NR3C1: variants seen among roughly 807,000 people sequenced by gnomAD.
NR3C1 encodes nuclear receptor subfamily 3 group C member 1, also known as glucocorticoid receptor.
NR3C1 carries 14 observed loss-of-function variants against 74.0 expected under a neutral mutation model. The observed-to-expected ratio is 0.19, with a 90% CI of 0.12 to 0.30. The LOEUF is 0.30. Among genes scored for constraint, NR3C1 ranks in the 10% least tolerant of loss-of-function variants. The probability of loss-of-function intolerance (pLI) is 1.00; values close to 1 mark genes in which losing one functional copy is unlikely to be tolerated. For missense variants in NR3C1, 695 were observed against 909.8 expected, an observed-to-expected ratio of 0.76 and a Z score of 3.04; for synonymous variants, 308 against 332.5, an observed-to-expected ratio of 0.93 and a Z score of 0.80.
chr5:143,400,576 C>T lies in NR3C1; in HGVS notation c.264G>A (p.Leu88=). The part of the protein sequence containing the change: ...LSKAVSLSMG[L]YMGETETKVM... The stretch of plus-strand genomic sequence containing the variant: ...CTTTTGTTTCTGTCTCTCCCATATA[C>T]AGTCCCATTGAGAGTGAAACTGCTT... Residue 88 remains leucine, a synonymous_variant, in exon 2 of 9, where the codon CTG becomes CTA. Coordinates refer to ENST00000394464, the MANE Select transcript of NR3C1 (RefSeq NM_000176.3). 2 of 1,614,260 alleles carry T rather than the reference C, an allele frequency of 1.2e-6. No homozygotes were observed. Among genetic ancestry groups the T allele is most frequent in the Middle Eastern group, 3.3e-4 (2 of 6,062 alleles).
intron 2 of NR3C1, among the ~76,000 whole-genome samples, chr5:143,360,181 A>G (rs1362139759): frequency 6.6e-6 from 1 of 152,248 alleles, no homozygotes. Context: ...CACATGATTA[A>G]AGAATAATTA....
exon 1 of NR3C1, chr5:143,435,359 T>C (rs968642501): frequency 5.0e-5 from 49 of 985,374 alleles, no homozygotes; most frequent in Middle Eastern, 5.2e-4. Context: ...CTCTCTGCCA[T>C]TTAAAGAAGC....
rs570441340 is a variant in NR3C1 at position 143,335,535 on chromosome 5, G to C, written c.1185-21367C>G. On this transcript the variant is annotated intron_variant, in intron 2 of 8. Transcript: ENST00000394464. ...AAAGTTTAAATTAGAAAATAAAGTC[G>C]CCATTCTTTTGACAGAAAACCAGCA... is the stretch of plus-strand genomic sequence containing the variant. Among the ~76,000 whole-genome samples the C allele has an allele frequency of 3.3e-5, 5 of 152,080 alleles. No individual in the cohort carries two copies. The East Asian group carries it at 9.6e-4, about 29-fold the overall frequency.
intron 4 of NR3C1, among the ~76,000 whole-genome samples, chr5:143,305,626 C>T (rs1413953467): frequency 2.0e-5 from 3 of 152,058 alleles, no homozygotes; most frequent in Non-Finnish European, 4.4e-5. Flanking sequence ...CAGTATCCTA[C>T]ATGAACTAAT....
At chr5:143,433,464 AT>A (rs1751961640) in intron 1 of NR3C1, among the ~76,000 whole-genome samples, 1 of 146,450 alleles carries the variant, frequency 6.8e-6, no homozygotes, top group Non-Finnish European at 1.5e-5. Context: ...ATATATATAT[AT>A]ATATATTTAA....
intron 2 of NR3C1, among the ~76,000 whole-genome samples, chr5:143,355,382 G>C (rs1208107658): frequency 6.6e-6 from 1 of 151,976 alleles, no homozygotes; most frequent in African/African-American, 2.4e-5. Context: ...GGGCTGAGGT[G>C]GGAGGACAGT....
At position 143,315,765 on chromosome 5, in the gene NR3C1, T is replaced by C. The variant is rs61753476; in HGVS notation, c.1185-1597A>G. On this transcript the variant is annotated intron_variant, in intron 2 of 8. Coordinates refer to ENST00000394464, the MANE Select transcript of NR3C1 (RefSeq NM_000176.3). The stretch of plus-strand genomic sequence containing the variant: ...TTGTTGCTAATGTTCCGTTTAGGAA[T>C]AAAAGTTAAAAGGTAATAATAATGG... Among the ~76,000 whole-genome samples the C allele has an allele frequency of 6.3e-3, 965 of 152,296 alleles. 13 individuals carry two copies. Among genetic ancestry groups the C allele is most frequent in the African/African-American group, 0.021 (884 of 41,566 alleles).
intron 4 of NR3C1, 107 bp downstream of exon 4, chr5:143,309,990 T>G (rs1820558486): frequency 1.2e-6 from 1 of 857,242 alleles, no homozygotes; most frequent in African/African-American, 1.7e-5. Context: ...ATATATATAC[T>G]GAACTGACTA....
rs1439109638 is a variant in NR3C1, at chr5:143,304,389, A to C, written c.1469-3626T>G. 2.0e-5 allele frequency among the ~76,000 whole-genome samples: 3 copies of C among 152,164 alleles called. No homozygotes were observed. The East Asian group carries it at 5.8e-4, about 29-fold the overall frequency. On this transcript the variant is annotated intron_variant, in intron 4 of 8. Transcript: ENST00000394464. ...ATTTTTACAAGGAGAACTACAAAAC[A>C]CTGCTGAAAGAAATCAAAGATGACA...
intron 2 of NR3C1, among the ~76,000 whole-genome samples, chr5:143,351,953 TGA>T (rs1830298186): frequency 6.6e-6 from 1 of 152,148 alleles, no homozygotes; most frequent in Non-Finnish European, 1.5e-5. Flanking sequence ...TCCAAACAGA[TGA>T]GAGAGACCTA....
At chr5:143,392,773 T>C (rs1838497522) in intron 2 of NR3C1, among the ~76,000 whole-genome samples, 1 of 152,168 alleles carries the variant, frequency 6.6e-6, no homozygotes, top group African/African-American at 2.4e-5. Context: ...TAGAGAAGAA[T>C]ACAGACACTG....
intron 2 of NR3C1, among the ~76,000 whole-genome samples, chr5:143,323,892 T>C (rs530129490): frequency 6.6e-6 from 1 of 152,242 alleles, no homozygotes; most frequent in South Asian, 2.1e-4. Context: ...TCCAGTGAGT[T>C]AGTCAAATTT....
At chr5:143,286,815 T>C (rs1814607246) in intron 7 of NR3C1, among the ~76,000 whole-genome samples, 1 of 151,976 alleles carries the variant, frequency 6.6e-6, no homozygotes, top group Non-Finnish European at 1.5e-5. Flanking sequence ...AAGTTTTTTT[T>C]CAAGCACTCA....
chr5:143,299,391 A>C (rs1328265490), intron 5 of NR3C1, among the ~76,000 whole-genome samples: 1 of 151,778 alleles, frequency 6.6e-6, no homozygotes, highest in Admixed American at 6.6e-5. Context: ...CTGCTTAAGT[A>C]AACATGAACT....
chr5:143,375,669 T>C (rs1835064710), intron 2 of NR3C1: 1 of 152,170 alleles, frequency 6.6e-6, no homozygotes, highest in South Asian at 2.1e-4. Context: ...CCAGAAAGTA[T>C]AAAAAATATG....
intron 1 of NR3C1, among the ~76,000 whole-genome samples, chr5:143,428,799 A>C (rs2151963116): frequency 6.6e-6 from 1 of 152,264 alleles, no homozygotes; most frequent in East Asian, 1.9e-4. Flanking sequence ...TATAAAAGCA[A>C]AGCAATGTGA....
At chr5:143,286,044 T>A (rs1489062070) in intron 7 of NR3C1, among the ~76,000 whole-genome samples, 2 of 151,260 alleles carry the variant, frequency 1.3e-5, no homozygotes, top group Non-Finnish European at 2.9e-5. Flanking sequence ...CTAGAGATAC[T>A]GGAGCCATTA....
intron 7 of NR3C1, among the ~76,000 whole-genome samples, chr5:143,293,672 T>C (rs1401073929): frequency 6.6e-6 from 1 of 152,218 alleles, no homozygotes; most frequent in East Asian, 1.9e-4. Flanking sequence ...TTAATTTTTT[T>C]AGTCTAGCAT....
intron 1 of NR3C1, among the ~76,000 whole-genome samples, chr5:143,426,651 C>T (rs1391499210): frequency 6.6e-6 from 1 of 152,242 alleles, no homozygotes; most frequent in Non-Finnish European, 1.5e-5. Flanking sequence ...TAAACTCCCA[C>T]ATGATAATTC....
Sources: gnomAD v4.1 joint callset for allele counts (sites outside exome capture counted in the v4.1 genomes callset) on GRCh38, gnomAD v4.1.1 for gene constraint, MANE v1.5 for transcripts, NCBI Gene and HGNC (gene_info 2026-07-23, HGNC 2026-07-21) for gene names.